The following DTL variants were observed in gnomAD, a reference collection of about 807,000 sequenced individuals.
The protein encoded by DTL is denticleless protein homolog.
In DTL, 46 loss-of-function variants were observed where a neutral mutation model predicts 87.0. That is an observed-to-expected ratio of 0.53 (90% CI 0.42 to 0.68). The LOEUF (loss-of-function observed/expected upper bound fraction) is 0.68, where lower values mean the gene tolerates loss of function less well. Ranked by LOEUF, DTL falls within the 30% of genes least tolerant of loss-of-function variation. DTL has a pLI of 0.00. For missense variants in DTL, 737 were observed against 869.4 expected (o/e 0.85, Z 1.91); for synonymous variants, 308 against 311.2 (o/e 0.99, Z 0.11).
Position 212,060,467 on chromosome 1 carries a change from G to A in DTL, c.461-2417G>A, listed in dbSNP as rs555572840. 3.9e-5 allele frequency among the ~76,000 whole-genome samples: 6 copies of A among 152,212 alleles called. 1 individual carries two copies. The South Asian group carries it at 1.2e-3, about 32-fold the overall frequency. On this transcript the variant is annotated intron_variant, in intron 5 of 14. Transcript: ENST00000366991. ...GAAAATCAAGATAGGCCAGACATGG[G>A]GCTCATGCCTGTAATCCTAGCACTT... is the stretch of plus-strand genomic sequence containing the variant.
At chr1:212,082,520 G>T (rs993685336) in intron 13 of DTL, among the ~76,000 whole-genome samples, 5 of 152,286 alleles carry the variant, frequency 3.3e-5, no homozygotes, top group African/African-American at 9.6e-5. Flanking sequence ...AGCATGAGGG[G>T]ATACTATCTG....
chr1:212,093,875 G>A (rs116835037), intron 13 of DTL, among the ~76,000 whole-genome samples: 1,689 of 152,194 alleles, frequency 0.011, 31 homozygotes, highest in African/African-American at 0.038. Context: ...CCCTAGCCAG[G>A]GATCACACCT....
At position 212,044,699 on chromosome 1, in the gene DTL, A is replaced by G. The variant is rs985603489; in HGVS notation, c.218A>G (p.Glu73Gly). The change falls in exon 3 of 15, where the codon GAA (glutamate) becomes GGA (glycine). Residue 73 changes from glutamate (E) to glycine (G), a missense_variant. Glu to Gly is a moderately conservative substitution (Grantham distance 98). Transcript: ENST00000366991. ...MEHVLAVANE[E>G]GFVRLYNTES... ...CATGTACTAGCAGTTGCCAATGAAG[A>G]AGGCTTTGTTCGATTGTATAACACA... The G allele has an allele frequency of 4.3e-6, 7 of 1,613,410 alleles. No homozygotes were observed. The highest frequency in any genetic ancestry group is 2.2e-5 in the South Asian group (2 of 90,966).
chr1:212,066,195 T>G (rs922849357), intron 7 of DTL, among the ~76,000 whole-genome samples: 5 of 152,198 alleles, frequency 3.3e-5, no homozygotes, highest in Middle Eastern at 3.4e-3. Context: ...GTTAATATTT[T>G]GGGGGAAGTA....
chr1:212,066,707 T>C (rs1654516447), intron 7 of DTL, 105 bp from the exon 8 acceptor site: 2 of 828,812 alleles, frequency 2.4e-6, no homozygotes, highest in South Asian at 3.2e-5. Context: ...CAAGACTTCA[T>C]CTAAGTCAGT....
intron 5 of DTL, among the ~76,000 whole-genome samples, chr1:212,060,095 A>AC (rs1420040589): frequency 1.3e-5 from 2 of 152,158 alleles, no homozygotes; most frequent in African/African-American, 4.8e-5. Flanking sequence ...TGGCCATACT[A>AC]CCCCAAGCAA....
intron 1 of DTL, among the ~76,000 whole-genome samples, chr1:212,041,024 C>G (rs1168446417): frequency 1.3e-5 from 2 of 152,188 alleles, no homozygotes; most frequent in African/African-American, 4.8e-5. Context: ...TTCTTGTATA[C>G]TACTTGGAAT....
chr1:212,066,118 T>TA (rs760366144), intron 7 of DTL, among the ~76,000 whole-genome samples: 35 of 152,320 alleles, frequency 2.3e-4, no homozygotes, highest in East Asian at 2.1e-3. Flanking sequence ...CCTTTTTCTT[T>TA]AAAAAATTGC....
chr1:212,076,954 T>C (rs1408822749), intron 11 of DTL, among the ~76,000 whole-genome samples: 3 of 152,190 alleles, frequency 2.0e-5, no homozygotes, highest in Non-Finnish European at 4.4e-5. Flanking sequence ...GCTTTTTTAA[T>C]TATTGCATAT....
chr1:212,039,608 T>TG (rs1667578709), intron 1 of DTL, among the ~76,000 whole-genome samples: 1 of 152,186 alleles, frequency 6.6e-6, no homozygotes, highest in African/African-American at 2.4e-5. Context: ...TTTTGAGAAA[T>TG]GCATCATTAG....
At position 212,075,104 on chromosome 1, in the gene DTL, C is replaced by G. The variant is rs144474005; in HGVS notation, c.1035+2891C>G. On this transcript the variant is annotated intron_variant, in intron 11 of 14. Coordinates refer to ENST00000366991, the MANE Select transcript of DTL (RefSeq NM_016448.4). ...GACTGGTGAAACGTTGAGCCTGACACTTTAGGAAGTGTAAATGATCTCATG... is the reference window on the plus strand; with the variant it reads ...GACTGGTGAAACGTTGAGCCTGACAGTTTAGGAAGTGTAAATGATCTCATG... Among the ~76,000 whole-genome samples the G allele has an allele frequency of 1.3e-3, 197 of 152,212 alleles. 1 individual carries two copies. Among genetic ancestry groups the G allele is most frequent in the African/African-American group, 4.4e-3 (184 of 41,538 alleles).
Position 212,104,681 on chromosome 1 carries a change from T to C in DTL, c.*1741T>C, listed in dbSNP as rs904883236. 1 of 152,192 alleles carries C rather than the reference T, an allele frequency of 6.6e-6. No homozygotes were observed. Among genetic ancestry groups the C allele is most frequent in the Non-Finnish European group, 1.5e-5 (1 of 68,034 alleles). The allele number at this position is 152,192 out of a possible 1,614,324, so 9.4% of individuals were successfully genotyped here. A position where few individuals can be genotyped will look rare whatever the true frequency, so the allele number is the denominator to read the frequency against. On this transcript the variant is annotated 3_prime_UTR_variant, in exon 15 of 15. Coordinates refer to ENST00000366991, the MANE Select transcript of DTL (RefSeq NM_016448.4). ...CCTACTGAGTGAAATTGGGATACAT[T>C]TGGCTGTCAGAAATTATACCGAGTC...
intron 13 of DTL, among the ~76,000 whole-genome samples, chr1:212,097,669 C>T (rs1419182629): frequency 2.0e-5 from 3 of 152,006 alleles, no homozygotes; most frequent in Non-Finnish European, 4.4e-5. Flanking sequence ...TCATCTTTCT[C>T]TGGTGCTTCC....
At chr1:212,062,642 T>A (rs1654363488) in intron 5 of DTL, among the ~76,000 whole-genome samples, 1 of 152,216 alleles carries the variant, frequency 6.6e-6, no homozygotes, top group African/African-American at 2.4e-5. Flanking sequence ...ATATATTTTA[T>A]ATGGGTTTTA....
chr1:212,060,389 T>G (rs1668307886), intron 5 of DTL, among the ~76,000 whole-genome samples: 1 of 152,102 alleles, frequency 6.6e-6, no homozygotes, highest in South Asian at 2.1e-4. Context: ...CTGGGAAAAC[T>G]GGGTATCCAC....
intron 13 of DTL, among the ~76,000 whole-genome samples, chr1:212,081,755 C>A (rs1654995858): frequency 6.6e-6 from 1 of 152,080 alleles, no homozygotes; most frequent in African/African-American, 2.4e-5. Context: ...AGGATAACTT[C>A]AGAGATTTTG....
intron 1 of DTL, among the ~76,000 whole-genome samples, chr1:212,036,841 T>G (rs1269289164): frequency 6.6e-6 from 1 of 152,202 alleles, no homozygotes; most frequent in Non-Finnish European, 1.5e-5. Flanking sequence ...CAGAGGTTCT[T>G]TTTCCCCTTG....
intron 5 of DTL, chr1:212,051,414 G>A (rs1484371205): frequency 8.2e-6 from 4 of 486,256 alleles, no homozygotes; most frequent in Admixed American, 9.8e-5. Context: ...CATCATTCTC[G>A]AAGGACATTT....
chr1:212,052,239 T>G (rs1463894809), intron 5 of DTL, among the ~76,000 whole-genome samples: 1 of 152,216 alleles, frequency 6.6e-6, no homozygotes, highest in East Asian at 1.9e-4. Context: ...GTGGTATGTC[T>G]AGTCATGGTT....
Sources: allele counts gnomAD v4.1 joint callset (sites outside exome capture counted in the v4.1 genomes callset), GRCh38; gene constraint gnomAD v4.1.1; transcripts MANE v1.5; gene names NCBI Gene and HGNC (gene_info 2026-07-23, HGNC 2026-07-21).